Variants in WIPF3 observed in about 807,000 individuals in gnomAD.
WIPF3 encodes the protein WAS/WASL-interacting protein family member 3.
WIPF3 carries 33 observed loss-of-function variants against 38.9 expected under a neutral mutation model. The observed-to-expected ratio is 0.85, with a 90% CI of 0.64 to 1.14. The LOEUF is 1.14. WIPF3 is among the 50% of genes most tolerant of loss of function. The pLI is 0.00. For synonymous variants in WIPF3, 324 were observed against 269.3 expected (o/e 1.20, Z -1.99); for missense variants, 711 against 652.5 (o/e 1.09, Z -0.98).
At chr7:29,867,741 G>C (rs1056430410) in intron 2 of WIPF3, among the ~76,000 whole-genome samples, 3 of 152,040 alleles carry the variant, frequency 2.0e-5, no homozygotes, top group African/African-American at 7.3e-5. Flanking sequence ...GGGACACAGT[G>C]GCCAAAGGAT....
chr7:29,866,222 T>A (rs1438958195), intron 2 of WIPF3, among the ~76,000 whole-genome samples: 1 of 152,216 alleles, frequency 6.6e-6, no homozygotes. Flanking sequence ...TGTGGAAACA[T>A]CTTGAACTTT....
chr7:29,814,768 A>C (rs1784431199), intron 1 of WIPF3, among the ~76,000 whole-genome samples: 1 of 152,090 alleles, frequency 6.6e-6, no homozygotes, highest in Non-Finnish European at 1.5e-5. Context: ...TGCTCAGTAC[A>C]TGTGAACTAT....
rs560719459 is a variant in WIPF3 at position 29,820,010 on chromosome 7, C to T, written c.-58+13332C>T. ...TAGAATGTATAGTCATATATTTCCC[C>T]GTACCTTGCAATTATTTTATTTATA... On this transcript the variant is annotated intron_variant, in intron 1 of 8. Coordinates refer to ENST00000242140, the MANE Select transcript of WIPF3 (RefSeq NM_001080529.3). 5.3e-5 allele frequency among the ~76,000 whole-genome samples: 8 copies of T among 151,908 alleles called. No individual in the cohort carries two copies. The South Asian group carries it at 6.2e-4, about 12-fold the overall frequency.
intron 2 of WIPF3, among the ~76,000 whole-genome samples, chr7:29,836,202 G>T (rs1784797047): frequency 6.6e-6 from 1 of 152,196 alleles, no homozygotes; most frequent in African/African-American, 2.4e-5. Context: ...CAAATTCAAG[G>T]TCATTGCCAC....
intron 7 of WIPF3, among the ~76,000 whole-genome samples, chr7:29,891,065 C>A (rs1437469845): frequency 6.8e-6 from 1 of 146,690 alleles, no homozygotes; most frequent in Non-Finnish European, 1.5e-5. Flanking sequence ...GCCTTGTGCT[C>A]AGGTGTGGTG....
In WIPF3 at chr7:29,915,927, C is replaced by G. The variant is rs1786606191; in HGVS notation, c.*1411C>G. 6.6e-6 allele frequency: 1 copy of G among 152,320 alleles called. No individual in the cohort carries two copies. The highest frequency in any genetic ancestry group is 2.4e-5 in the African/African-American group (1 of 41,440). 9.4% of individuals were successfully genotyped at this position (152,320 alleles called of 1,614,324 possible). Reference sequence around the variant, plus strand: ...TTGCAACAACCCACGCACACATTCACCCCTGAAGTATATCATGAACAGACC... The same window carrying G: ...TTGCAACAACCCACGCACACATTCAGCCCTGAAGTATATCATGAACAGACC... On this transcript the variant is annotated 3_prime_UTR_variant, in exon 9 of 9. Coordinates refer to ENST00000242140, the MANE Select transcript of WIPF3 (RefSeq NM_001080529.3).
intron 1 of WIPF3, among the ~76,000 whole-genome samples, chr7:29,831,330 C>T (rs577765558): frequency 2.2e-4 from 34 of 152,296 alleles, no homozygotes; most frequent in African/African-American, 3.4e-4. Context: ...GGGCCCTCAA[C>T]GGATTAGATG....
At position 29,888,188 on chromosome 7, in the gene WIPF3, A is replaced by C. The variant is rs1365409833; in HGVS notation, c.1220A>C (p.Gln407Pro). 6.2e-7 allele frequency: 1 copy of C among 1,612,128 alleles called. No individual in the cohort carries two copies. The highest frequency in any genetic ancestry group is 1.1e-5 in the South Asian group (1 of 90,648). Reference protein sequence around the residue: ...AWTPTQQPGGQLRNGSLHIID... With the variant: ...AWTPTQQPGGPLRNGSLHIID... ...ACCCCGACGCAGCAGCCTGGAGGTCAACTGCGAAATGGAAGCCTGCACATC... is the reference window on the plus strand; with the variant it reads ...ACCCCGACGCAGCAGCCTGGAGGTCCACTGCGAAATGGAAGCCTGCACATC... The change falls in exon 6 of 9, where the codon CAA (glutamine) becomes CCA (proline). Residue 407 changes from glutamine (Q) to proline (P), a missense_variant. Physicochemically the swap from Gln to Pro is moderately conservative, Grantham distance 76. Coordinates refer to ENST00000242140, the MANE Select transcript of WIPF3 (RefSeq NM_001080529.3).
chr7:29,889,436 C>T (rs1464948675), intron 7 of WIPF3, 29 bp downstream of exon 7: 3 of 1,561,464 alleles, frequency 1.9e-6, no homozygotes, highest in Non-Finnish European at 2.6e-6. Context: ...AGACTCCTGG[C>T]ATCTCCCGAC....
intron 1 of WIPF3, among the ~76,000 whole-genome samples, chr7:29,813,002 A>G (rs577326573): frequency 5.9e-5 from 9 of 152,158 alleles, no homozygotes; most frequent in African/African-American, 2.2e-4. Context: ...AGCACCTCAA[A>G]CTCAAAATGT....
chr7:29,868,845 C>A (rs1217628510), intron 2 of WIPF3, among the ~76,000 whole-genome samples: 1 of 152,024 alleles, frequency 6.6e-6, no homozygotes, highest in African/African-American at 2.4e-5. Flanking sequence ...CTAACCATAT[C>A]TAAACATAGG....
chr7:29,884,655 A>G, intron 5 of WIPF3, 62 bp downstream of exon 5: 4 of 1,515,200 alleles, frequency 2.6e-6, no homozygotes, highest in Non-Finnish European at 3.5e-6. Context: ...GTCGTTGCAC[A>G]GGACTTTATT....
At chr7:29,838,926 G>A (rs13224111) in intron 2 of WIPF3, among the ~76,000 whole-genome samples, 47,238 of 152,090 alleles carry the variant, frequency 0.31, 8,322 homozygotes, top group Middle Eastern at 0.46. Context: ...TGGAGGAATA[G>A]CCACGTGACA....
intron 1 of WIPF3, among the ~76,000 whole-genome samples, chr7:29,813,911 T>G (rs925578884): frequency 1.4e-5 from 2 of 146,976 alleles, no homozygotes; most frequent in Non-Finnish European, 3.0e-5. Context: ...TATGTGGCCT[T>G]TTTGGTAAGA....
intron 2 of WIPF3, among the ~76,000 whole-genome samples, chr7:29,874,296 G>A (rs1174341758): frequency 6.6e-6 from 1 of 152,000 alleles, no homozygotes; most frequent in African/African-American, 2.4e-5. Context: ...TCTACTCTTC[G>A]GGGATATTTT....
chr7:29,905,498 A>G (rs1786377114), intron 8 of WIPF3: 1 of 152,174 alleles, frequency 6.6e-6, no homozygotes, highest in African/African-American at 2.4e-5. Flanking sequence ...TCCATGGGAA[A>G]GCTTGGACAG....
chr7:29,863,682 T>C (rs149734196), intron 2 of WIPF3, among the ~76,000 whole-genome samples: 1 of 152,248 alleles, frequency 6.6e-6, no homozygotes, highest in Admixed American at 6.5e-5. Flanking sequence ...CTTTCCTATG[T>C]TGAGTTATCC....
chr7:29,813,561 T>C (rs1784413685), intron 1 of WIPF3, among the ~76,000 whole-genome samples: 1 of 152,240 alleles, frequency 6.6e-6, no homozygotes, highest in Non-Finnish European at 1.5e-5. Flanking sequence ...TAAATTTTCA[T>C]GTATGCTTCC....
intron 1 of WIPF3, among the ~76,000 whole-genome samples, chr7:29,816,487 A>AT (rs35870313): frequency 0.41 from 61,103 of 150,012 alleles, 12,671 homozygotes; most frequent in Non-Finnish European, 0.44. Flanking sequence ...TTTTATTTTT[A>AT]TTTTATTTTA....
Sources: gnomAD v4.1 joint callset for allele counts (sites outside exome capture counted in the v4.1 genomes callset) on GRCh38, gnomAD v4.1.1 for gene constraint, MANE v1.5 for transcripts, NCBI Gene and HGNC (gene_info 2026-07-23, HGNC 2026-07-21) for gene names.